KCNH7: variants seen among roughly 807,000 people sequenced by gnomAD.
KCNH7 encodes the protein voltage-gated inwardly rectifying potassium channel KCNH7.
KCNH7 carries 49 observed loss-of-function variants against 120.8 expected under a neutral mutation model. The ratio of observed to expected loss-of-function variants is 0.41; its 90% CI spans 0.32 to 0.51. The LOEUF is 0.51. Ranked by LOEUF, KCNH7 falls within the 20% of genes least tolerant of loss-of-function variation. The probability of loss-of-function intolerance (pLI) is 0.38; values close to 1 mark genes in which losing one functional copy is unlikely to be tolerated. For missense variants in KCNH7, 1,097 were observed against 1,446.6 expected (o/e 0.76, Z 3.92); for synonymous variants, 547 against 516.1 (o/e 1.06, Z -0.81).
intron 9 of KCNH7, among the ~76,000 whole-genome samples, chr2:162,420,942 AT>A (rs569097977): frequency 1.3e-5 from 2 of 150,462 alleles, no homozygotes; most frequent in East Asian, 2.0e-4. Context: ...ATCCATTTTG[AT>A]TTTTTTTTTA....
intron 2 of KCNH7, among the ~76,000 whole-genome samples, chr2:162,541,346 A>G (rs2105836586): frequency 6.6e-6 from 1 of 152,230 alleles, no homozygotes; most frequent in Admixed American, 6.5e-5. Context: ...AGAAGGGAAG[A>G]TAAAGAACTA....
chr2:162,567,423 CTA>C (rs1693294076), intron 2 of KCNH7, among the ~76,000 whole-genome samples: 1 of 151,974 alleles, frequency 6.6e-6, no homozygotes, highest in Non-Finnish European at 1.5e-5. Context: ...GATGTTACCA[CTA>C]TCATACATGT....
intron 2 of KCNH7, among the ~76,000 whole-genome samples, chr2:162,820,033 C>CTTTTTTTTTT (rs66809770): frequency 7.8e-5 from 6 of 77,040 alleles, no homozygotes; most frequent in South Asian, 5.9e-4. Flanking sequence ...ATTCCATAAA[C>CTTTTTTTTTT]TTTTTTTTTT....
chr2:162,826,261 T>C (rs1168702273), intron 2 of KCNH7, among the ~76,000 whole-genome samples: 1 of 152,128 alleles, frequency 6.6e-6, no homozygotes, highest in Non-Finnish European at 1.5e-5. Context: ...TTGTCATGTG[T>C]ATTTAACTGA....
intron 2 of KCNH7, among the ~76,000 whole-genome samples, chr2:162,795,151 G>T (rs1304294064): frequency 2.0e-5 from 3 of 151,902 alleles, no homozygotes; most frequent in African/African-American, 7.2e-5. Flanking sequence ...GTATATTGAG[G>T]TTTGCCTTGT....
rs771839703 is a variant in KCNH7, at chr2:162,371,642, T to G, written c.*187A>C. On this transcript the variant is annotated 3_prime_UTR_variant, in exon 16 of 16. Transcript: ENST00000332142. ...TTTTAACATTTGGAACCAAAAGTTC[T>G]TATGTATATTTACATCCTAACTGCT... 18 of 765,732 alleles carry G rather than the reference T, an allele frequency of 2.4e-5. No homozygotes were observed. The highest frequency in any genetic ancestry group is 3.4e-4 in the Middle Eastern group (1 of 2,934). The allele number at this position is 765,732 out of a possible 1,614,324, so 47.4% of individuals were successfully genotyped here.
At chr2:162,535,881 G>A (rs747751078) in intron 3 of KCNH7, among the ~76,000 whole-genome samples, 3 of 151,788 alleles carry the variant, frequency 2.0e-5, no homozygotes, top group East Asian at 3.9e-4. Context: ...GAAGTTTAGT[G>A]TGTAATAAAG....
intron 6 of KCNH7, among the ~76,000 whole-genome samples, chr2:162,496,210 G>A (rs34942492): frequency 0.025 from 3,829 of 152,202 alleles, 65 homozygotes; most frequent in Middle Eastern, 0.044. Context: ...TTCCCCAACA[G>A]CCGTTGGGGG....
At chr2:162,448,833 T>C (rs555722394) in intron 6 of KCNH7, among the ~76,000 whole-genome samples, 5 of 152,104 alleles carry the variant, frequency 3.3e-5, no homozygotes, top group African/African-American at 7.2e-5. Flanking sequence ...TTGGAGTTTG[T>C]AGTCTGTTTG....
Position 162,804,384 on chromosome 2 carries a change from G to T in KCNH7, c.307+32153C>A, listed in dbSNP as rs187536481. 2.9e-3 allele frequency among the ~76,000 whole-genome samples: 441 copies of T among 151,792 alleles called. 1 individual carries two copies. Among genetic ancestry groups the T allele is most frequent in the Middle Eastern group, 6.8e-3 (2 of 292 alleles). ...TAAATGAATTTCAGTAAAGTCTCAGGTTAAAAAAATCAATATACACAAATC... is the reference window on the plus strand; with the variant it reads ...TAAATGAATTTCAGTAAAGTCTCAGTTTAAAAAAATCAATATACACAAATC... On this transcript the variant is annotated intron_variant, in intron 2 of 15. Coordinates refer to ENST00000332142, the MANE Select transcript of KCNH7 (RefSeq NM_033272.4).
At chr2:162,750,829 A>G (rs1688514089) in intron 2 of KCNH7, among the ~76,000 whole-genome samples, 1 of 152,184 alleles carries the variant, frequency 6.6e-6, no homozygotes, top group African/African-American at 2.4e-5. Flanking sequence ...GAAGAAAGTT[A>G]TGCCTCTCAA....
intron 3 of KCNH7, among the ~76,000 whole-genome samples, chr2:162,522,955 C>A (rs1214130646): frequency 6.6e-6 from 1 of 151,796 alleles, no homozygotes; most frequent in East Asian, 2.0e-4. Context: ...TCAATCCTGG[C>A]ATATGTAACT....
chr2:162,721,057 A>T (rs1687308219), intron 2 of KCNH7, among the ~76,000 whole-genome samples: 2 of 152,258 alleles, frequency 1.3e-5, no homozygotes, highest in South Asian at 4.1e-4. Flanking sequence ...ATTTCAAGCT[A>T]CCAGCTTCTG....
intron 6 of KCNH7, among the ~76,000 whole-genome samples, chr2:162,479,574 A>G (rs1367912262): frequency 6.6e-6 from 1 of 152,110 alleles, no homozygotes; most frequent in East Asian, 1.9e-4. Flanking sequence ...ATTTATATGC[A>G]TACTCATAAG....
At chr2:162,629,117 A>G (rs887958881) in intron 2 of KCNH7, among the ~76,000 whole-genome samples, 3 of 152,120 alleles carry the variant, frequency 2.0e-5, no homozygotes, top group African/African-American at 4.8e-5. Context: ...GAAGTCTCCC[A>G]CACAGGCCAA....
intron 2 of KCNH7, among the ~76,000 whole-genome samples, chr2:162,677,723 T>C (rs189375069): frequency 6.6e-6 from 1 of 151,562 alleles, no homozygotes; most frequent in African/African-American, 2.4e-5. Flanking sequence ...TTTAGCTTAG[T>C]AGATTCTGTC....
intron 2 of KCNH7, among the ~76,000 whole-genome samples, chr2:162,709,698 CTTTG>C (rs1313232194): frequency 6.6e-6 from 1 of 152,066 alleles, no homozygotes; most frequent in Non-Finnish European, 1.5e-5. Context: ...ATCTTTAAGC[CTTTG>C]TTTTTCTTAC....
chr2:162,609,227 A>G (rs191506504), intron 2 of KCNH7, among the ~76,000 whole-genome samples: 14 of 152,004 alleles, frequency 9.2e-5, no homozygotes, highest in Admixed American at 3.3e-4. Flanking sequence ...TACTTCATCT[A>G]TAAGTAAAGC....
intron 2 of KCNH7, among the ~76,000 whole-genome samples, chr2:162,670,295 G>A (rs568922733): frequency 1.6e-4 from 24 of 151,552 alleles, no homozygotes; most frequent in African/African-American, 5.1e-4. Context: ...CCAACAAGGC[G>A]AAACCCCACC....
Sources: allele counts gnomAD v4.1 joint callset (sites outside exome capture counted in the v4.1 genomes callset), GRCh38; gene constraint gnomAD v4.1.1; transcripts MANE v1.5; gene names NCBI Gene and HGNC (gene_info 2026-07-23, HGNC 2026-07-21).